Variants in FHIT observed in about 807,000 individuals in gnomAD.
FHIT encodes fragile histidine triad diadenosine triphosphatase.
Under a neutral mutation model 17.9 loss-of-function variants are expected in FHIT, and 19 were observed. That is an observed-to-expected ratio of 1.06 (90% confidence interval 0.74 to 1.56). The LOEUF is 1.56. Among genes scored for constraint, FHIT ranks in the 40% most tolerant of loss-of-function variants. FHIT has a pLI of 0.00. For synonymous variants in FHIT, 81 were observed against 69.7 expected, an observed-to-expected ratio of 1.16 and a Z score of -0.81; for missense variants, 248 against 189.2, an observed-to-expected ratio of 1.31 and a Z score of -1.82.
intron 5 of FHIT, among the ~76,000 whole-genome samples, chr3:60,177,216 A>AG (rs1701716712): frequency 6.6e-6 from 1 of 152,060 alleles, no homozygotes; most frequent in Non-Finnish European, 1.5e-5. Context: ...ATAAATAATA[A>AG]GGAGGGGAAG....
chr3:60,153,185 T>G (rs567846468), intron 5 of FHIT, among the ~76,000 whole-genome samples: 6 of 152,152 alleles, frequency 3.9e-5, no homozygotes, highest in Non-Finnish European at 8.8e-5. Context: ...AAGATGACTC[T>G]GTTTTCCAGA....
chr3:59,998,072 G>A (rs1575848320), intron 7 of FHIT, among the ~76,000 whole-genome samples: 1 of 151,920 alleles, frequency 6.6e-6, no homozygotes, highest in Non-Finnish European at 1.5e-5. Flanking sequence ...GTAGAAATCT[G>A]TTAGCCACTT....
intron 5 of FHIT, among the ~76,000 whole-genome samples, chr3:60,102,227 C>G (rs1412897769): frequency 6.6e-6 from 1 of 152,204 alleles, no homozygotes; most frequent in African/African-American, 2.4e-5. Flanking sequence ...TCAATCACTA[C>G]GCTCAGTATA....
intron 3 of FHIT, among the ~76,000 whole-genome samples, chr3:60,874,837 G>A (rs12629814): frequency 0.46 from 70,325 of 151,982 alleles, 19,205 homozygotes; most frequent in East Asian, 0.93. Context: ...TGTTGTCATG[G>A]AATGATCATG....
intron 2 of FHIT, among the ~76,000 whole-genome samples, chr3:61,046,180 A>G (rs182079578): frequency 6.6e-6 from 1 of 152,290 alleles, no homozygotes; most frequent in East Asian, 1.9e-4. Flanking sequence ...AAAACCCTTC[A>G]AAAAATCAAT....
intron 5 of FHIT, among the ~76,000 whole-genome samples, chr3:60,467,373 A>G (rs116651830): frequency 0.018 from 2,713 of 150,926 alleles, 86 homozygotes; most frequent in African/African-American, 0.061. Flanking sequence ...TTTTCCTTCT[A>G]CTAATTTTGG....
chr3:60,545,855 T>C (rs1435957717), intron 4 of FHIT, among the ~76,000 whole-genome samples: 6 of 19,076 alleles, frequency 3.1e-4, no homozygotes, highest in Non-Finnish European at 8.6e-5. Context: ...CAAATTGTTA[T>C]CCAAATCTCT....
intron 2 of FHIT, among the ~76,000 whole-genome samples, chr3:61,066,770 G>A (rs918635061): frequency 1.3e-5 from 2 of 152,156 alleles, no homozygotes; most frequent in African/African-American, 2.4e-5. Context: ...CCTAAGACAA[G>A]GACCAAGGGC....
At chr3:60,784,410 G>A (rs1575520474) in intron 4 of FHIT, among the ~76,000 whole-genome samples, 1 of 149,638 alleles carries the variant, frequency 6.7e-6, no homozygotes, top group African/African-American at 2.5e-5. Context: ...AATCTCAGCT[G>A]ACTGCAGCCT....
intron 7 of FHIT, among the ~76,000 whole-genome samples, chr3:59,944,053 T>C (rs1177460670): frequency 6.6e-6 from 1 of 152,248 alleles, no homozygotes; most frequent in African/African-American, 2.4e-5. Flanking sequence ...AAATACTAGC[T>C]ATGATTTAAC....
chr3:61,041,840 GA>G (rs927890710), intron 3 of FHIT, among the ~76,000 whole-genome samples: 4 of 152,104 alleles, frequency 2.6e-5, no homozygotes. Flanking sequence ...TGATAATAAT[GA>G]AAAAAGTGAG....
intron 5 of FHIT, among the ~76,000 whole-genome samples, chr3:60,177,916 G>A (rs570604536): frequency 1.3e-5 from 2 of 152,176 alleles, no homozygotes; most frequent in African/African-American, 4.8e-5. Context: ...AAGTCCCAAA[G>A]TATTTTGAGT....
At chr3:59,883,960 T>G (rs1431661790) in intron 8 of FHIT, among the ~76,000 whole-genome samples, 1 of 152,244 alleles carries the variant, frequency 6.6e-6, no homozygotes, top group Non-Finnish European at 1.5e-5. Context: ...CTCATATGAT[T>G]GACAAATGAG....
intron 5 of FHIT, among the ~76,000 whole-genome samples, chr3:60,157,054 T>C (rs554069067): frequency 1.3e-5 from 2 of 152,274 alleles, no homozygotes; most frequent in African/African-American, 4.8e-5. Flanking sequence ...CATTTTTGAT[T>C]AATAAATCAA....
chr3:60,234,425 C>T (rs1348540666), intron 5 of FHIT, among the ~76,000 whole-genome samples: 1 of 152,150 alleles, frequency 6.6e-6, no homozygotes, highest in Non-Finnish European at 1.5e-5. Flanking sequence ...TATCCATACA[C>T]AATACATGCA....
rs531039356 is a variant in FHIT at position 59,946,943 on chromosome 3, T to A, written c.280-24529A>T. Among the ~76,000 whole-genome samples, 7 of 152,354 alleles carry A rather than the reference T, an allele frequency of 4.6e-5. No individual in the cohort carries two copies. In the South Asian group the frequency reaches 1.4e-3, roughly 32 times the overall value. On this transcript the variant is annotated intron_variant, in intron 7 of 9. Coordinates refer to ENST00000492590, the MANE Select transcript of FHIT (RefSeq NM_002012.4). ...ATTTGGTTGCGGATTTTTATATCTA[T>A]GTTCATCAAAGATACTGGCCTGAAC...
intron 8 of FHIT, among the ~76,000 whole-genome samples, chr3:59,785,726 A>T (rs1330017301): frequency 3.9e-5 from 6 of 152,212 alleles, no homozygotes; most frequent in Non-Finnish European, 8.8e-5. Flanking sequence ...TACCAGGATT[A>T]ATGCTTGGTA....
intron 2 of FHIT, among the ~76,000 whole-genome samples, chr3:61,100,411 T>G (rs1026134682): frequency 3.3e-5 from 5 of 152,210 alleles, no homozygotes; most frequent in African/African-American, 1.2e-4. Flanking sequence ...TATGGCTGCA[T>G]AGTATTCCAT....
chr3:59,927,930 T>A (rs1705754137), intron 7 of FHIT, among the ~76,000 whole-genome samples: 1 of 152,258 alleles, frequency 6.6e-6, no homozygotes, highest in African/African-American at 2.4e-5. Flanking sequence ...ACACATCTCT[T>A]CTGCCCATAC....
Sources: allele counts gnomAD v4.1 joint callset (sites outside exome capture counted in the v4.1 genomes callset), GRCh38; gene constraint gnomAD v4.1.1; transcripts MANE v1.5; gene names NCBI Gene and HGNC (gene_info 2026-07-23, HGNC 2026-07-21).